Variants in NDST4 observed in about 807,000 individuals in gnomAD.
NDST4 encodes N-deacetylase and N-sulfotransferase 4, also known as N-heparan sulfate sulfotransferase 4.
Under a neutral mutation model 100.8 loss-of-function variants are expected in NDST4, and 63 were observed. That is an observed-to-expected ratio of 0.62 (90% CI 0.51 to 0.77). The LOEUF (loss-of-function observed/expected upper bound fraction) is 0.77. NDST4 is among the 30% of genes least tolerant of loss of function. NDST4 has a pLI of 0.00. For synonymous variants in NDST4, 377 were observed against 361.8 expected (o/e 1.04, Z -0.48); for missense variants, 943 against 1,018.4 (o/e 0.93, Z 1.01).
intron 6 of NDST4, among the ~76,000 whole-genome samples, chr4:114,909,576 C>T (rs1196787261): frequency 6.8e-6 from 1 of 147,444 alleles, no homozygotes; most frequent in East Asian, 2.0e-4. Flanking sequence ...AGGAGAATGG[C>T]GTGAACCCGG....
intron 1 of NDST4, among the ~76,000 whole-genome samples, chr4:115,095,029 C>T (rs1729592586): frequency 6.6e-6 from 1 of 152,102 alleles, no homozygotes; most frequent in Non-Finnish European, 1.5e-5. Context: ...CATCAAGGCT[C>T]CCAACACAAT....
chr4:115,017,342 ATT>A (rs1727700535), intron 2 of NDST4, among the ~76,000 whole-genome samples: 2 of 152,056 alleles, frequency 1.3e-5, no homozygotes, highest in Non-Finnish European at 2.9e-5. Context: ...TTTCATAGAA[ATT>A]TTTATTCAAT....
At chr4:114,932,324 A>G (rs548466973) in intron 6 of NDST4, among the ~76,000 whole-genome samples, 10 of 152,084 alleles carry the variant, frequency 6.6e-5, no homozygotes, top group African/African-American at 2.2e-4. Context: ...AGCTCAACAA[A>G]TTAGGTATAA....
At chr4:114,852,220 T>A (rs938227974) in intron 8 of NDST4, among the ~76,000 whole-genome samples, 1 of 152,152 alleles carries the variant, frequency 6.6e-6, no homozygotes, top group South Asian at 2.1e-4. Flanking sequence ...AGAAAGTAAG[T>A]CCATATCATG....
intron 1 of NDST4, among the ~76,000 whole-genome samples, chr4:115,084,378 C>A (rs894525876): frequency 2.0e-5 from 3 of 152,140 alleles, no homozygotes; most frequent in East Asian, 3.9e-4. Flanking sequence ...AAAAGAAAAA[C>A]CCATATTCTG....
intron 2 of NDST4, among the ~76,000 whole-genome samples, chr4:115,074,324 T>C (rs1362594397): frequency 6.6e-6 from 1 of 152,010 alleles, no homozygotes; most frequent in Non-Finnish European, 1.5e-5. Context: ...TTTAGACATA[T>C]AAAGAACTTT....
chr4:114,843,673 G>A (rs1230665260), intron 10 of NDST4, among the ~76,000 whole-genome samples: 1 of 152,026 alleles, frequency 6.6e-6, no homozygotes, highest in Admixed American at 6.6e-5. Flanking sequence ...TGGAATTGTT[G>A]TCACGCCTCC....
chr4:114,996,648 G>A (rs1727171516), intron 2 of NDST4, among the ~76,000 whole-genome samples: 1 of 152,018 alleles, frequency 6.6e-6, no homozygotes, highest in South Asian at 2.1e-4. Context: ...TCAGAGAATG[G>A]TCAGCCAAAA....
At chr4:114,921,972 A>T (rs905179544) in intron 6 of NDST4, among the ~76,000 whole-genome samples, 1 of 151,342 alleles carries the variant, frequency 6.6e-6, no homozygotes, top group Non-Finnish European at 1.5e-5. Flanking sequence ...CTGACACAAC[A>T]TTAACAATTC....
At chr4:114,976,792 T>C (rs561155100) in intron 3 of NDST4, among the ~76,000 whole-genome samples, 2 of 151,924 alleles carry the variant, frequency 1.3e-5, no homozygotes, top group Non-Finnish European at 2.9e-5. Context: ...CAAAGGAAAA[T>C]AATATGTACA....
At chr4:115,014,540 T>C (rs1236346232) in intron 2 of NDST4, among the ~76,000 whole-genome samples, 2 of 152,110 alleles carry the variant, frequency 1.3e-5, no homozygotes, top group African/African-American at 2.4e-5. Flanking sequence ...ACTTAATGAC[T>C]TGAAAATCTA....
chr4:114,835,527 G>T (rs4519811), intron 11 of NDST4, among the ~76,000 whole-genome samples: 43,284 of 151,924 alleles, frequency 0.28, 8,500 homozygotes, highest in African/African-American at 0.56. Flanking sequence ...GAAGAGTGTT[G>T]TACTTCCCAT....
At chr4:114,883,992 C>G (rs939074285) in intron 6 of NDST4, among the ~76,000 whole-genome samples, 27 of 152,030 alleles carry the variant, frequency 1.8e-4, no homozygotes, top group African/African-American at 5.6e-4. Context: ...CAAGACACTC[C>G]CTACAAAATA....
chr4:114,836,920 C>G (rs1578334537), intron 11 of NDST4, among the ~76,000 whole-genome samples: 1 of 152,050 alleles, frequency 6.6e-6, no homozygotes, highest in East Asian at 1.9e-4. Flanking sequence ...GCTATTGATA[C>G]TTGTGTATGT....
rs1201705324 is a variant in NDST4, at chr4:115,058,596, TTC to T, written c.978+17461_978+17462del. On this transcript the variant is annotated intron_variant, in intron 2 of 13. Coordinates refer to ENST00000264363, the MANE Select transcript of NDST4 (RefSeq NM_022569.3). ...ATATAGTTTGACTTTTCTCCCTCCA[TTC>T]TTTTTCTTTTTTAAATTTTAAGACA... Among the ~76,000 whole-genome samples the T allele has an allele frequency of 3.9e-5, 6 of 152,258 alleles. No homozygotes were observed. In the South Asian group the frequency reaches 1.2e-3, roughly 32 times the overall value.
intron 2 of NDST4, among the ~76,000 whole-genome samples, chr4:115,041,514 T>C (rs1728351395): frequency 6.6e-6 from 1 of 152,122 alleles, no homozygotes; most frequent in East Asian, 1.9e-4. Context: ...CAAGGTGATT[T>C]CTGGTTAGCT....
chr4:114,948,446 A>G (rs1725918240), intron 4 of NDST4, among the ~76,000 whole-genome samples: 1 of 152,078 alleles, frequency 6.6e-6, no homozygotes, highest in Non-Finnish European at 1.5e-5. Context: ...AATGGTACCT[A>G]TATACTCAAA....
intron 6 of NDST4, 155 bp downstream of exon 6, chr4:114,935,051 T>A: frequency 1.8e-6 from 1 of 561,546 alleles, no homozygotes; most frequent in Non-Finnish European, 2.5e-6. Context: ...AGTCAAATTT[T>A]ATCAAGAAAA....
At chr4:115,028,522 G>A (rs536996210) in intron 2 of NDST4, among the ~76,000 whole-genome samples, 39 of 150,650 alleles carry the variant, frequency 2.6e-4, no homozygotes, top group Non-Finnish European at 4.4e-4. Context: ...CCTAGAGGTA[G>A]CAACAAAATT....
Sources: gnomAD v4.1 joint callset for allele counts (sites outside exome capture counted in the v4.1 genomes callset) on GRCh38, gnomAD v4.1.1 for gene constraint, MANE v1.5 for transcripts, NCBI Gene and HGNC (gene_info 2026-07-23, HGNC 2026-07-21) for gene names.